Variants in PDGFC observed in about 807,000 individuals in gnomAD.
PDGFC encodes the protein platelet derived growth factor C.
A neutral mutation model predicts 35.5 loss-of-function variants in PDGFC; 12 were observed. That is an observed-to-expected ratio of 0.34 (90% CI 0.22 to 0.55). PDGFC has a LOEUF of 0.55. Ranked by LOEUF, PDGFC falls within the 20% of genes least tolerant of loss-of-function variation. The probability of loss-of-function intolerance (pLI) is 0.91; values close to 1 mark genes in which losing one functional copy is unlikely to be tolerated. For missense variants in PDGFC, 322 were observed against 412.4 expected (o/e 0.78, Z 1.90); for synonymous variants, 159 against 148.8 (o/e 1.07, Z -0.50).
intron 3 of PDGFC, among the ~76,000 whole-genome samples, chr4:156,774,962 T>C (rs573968257): frequency 7.9e-5 from 12 of 152,272 alleles, no homozygotes; most frequent in African/African-American, 2.9e-4. Context: ...ATTAAAGACT[T>C]AATTTCAATA....
intron 3 of PDGFC, among the ~76,000 whole-genome samples, chr4:156,803,798 T>A (rs1420566935): frequency 6.6e-6 from 1 of 152,196 alleles, no homozygotes; most frequent in Non-Finnish European, 1.5e-5. Context: ...ACTGGAAATG[T>A]CTTATTTTAC....
chr4:156,883,084 CAAAA>C (rs376927288), intron 1 of PDGFC, among the ~76,000 whole-genome samples: 3 of 83,232 alleles, frequency 3.6e-5, no homozygotes, highest in Admixed American at 1.3e-4. Context: ...ATTCTGTCTC[CAAAA>C]AAAAAAAAAA....
Position 156,871,637 on chromosome 4 carries a change from C to T in PDGFC, c.119-21221G>A, listed in dbSNP as rs571272447. Among the ~76,000 whole-genome samples the T allele has an allele frequency of 4.5e-3, 685 of 151,968 alleles. 2 individuals are homozygous for T. Among genetic ancestry groups the T allele is most frequent in the African/African-American group, 0.015 (629 of 41,442 alleles). ...TATTTTATTTCAAATGCAAATTAGT[C>T]GAGACACACCTGGGAATATAATTTA... On this transcript the variant is annotated intron_variant, in intron 1 of 5. Transcript: ENST00000502773.
intron 1 of PDGFC, among the ~76,000 whole-genome samples, chr4:156,881,896 T>C (rs965615441): frequency 3.3e-5 from 5 of 151,576 alleles, no homozygotes; most frequent in South Asian, 2.1e-4. Flanking sequence ...CTGCCATCCA[T>C]GTAAGACATG....
At chr4:156,774,981 G>A (rs933151447) in intron 3 of PDGFC, among the ~76,000 whole-genome samples, 6 of 152,124 alleles carry the variant, frequency 3.9e-5, no homozygotes, top group African/African-American at 1.4e-4. Context: ...TAATGTCAAG[G>A]ATCTGGCTAA....
At chr4:156,889,501 C>T (rs1214334283) in intron 1 of PDGFC, among the ~76,000 whole-genome samples, 1 of 152,148 alleles carries the variant, frequency 6.6e-6, no homozygotes, top group African/African-American at 2.4e-5. Flanking sequence ...CAATTTGGGT[C>T]ACCTTCAAGG....
At chr4:156,839,052 T>C (rs1413596753) in intron 2 of PDGFC, among the ~76,000 whole-genome samples, 2 of 152,152 alleles carry the variant, frequency 1.3e-5, no homozygotes, top group African/African-American at 4.8e-5. Context: ...AAGGAAGCGG[T>C]GTATTAAGCG....
At chr4:156,788,570 C>T (rs1173905326) in intron 3 of PDGFC, among the ~76,000 whole-genome samples, 3 of 152,152 alleles carry the variant, frequency 2.0e-5, no homozygotes, top group African/African-American at 4.8e-5. Context: ...AAATTCAAAT[C>T]CGAATTTTAA....
chr4:156,841,148 G>C (rs368947779), intron 2 of PDGFC, among the ~76,000 whole-genome samples: 23 of 152,018 alleles, frequency 1.5e-4, no homozygotes, highest in South Asian at 4.2e-4. Context: ...ATTTGGGAGG[G>C]GGGCTGGGGA....
intron 1 of PDGFC, among the ~76,000 whole-genome samples, chr4:156,871,984 A>G (rs142349980): frequency 6.6e-6 from 1 of 152,180 alleles, no homozygotes; most frequent in East Asian, 1.9e-4. Context: ...TTGATTCCCA[A>G]TAAAGCAATG....
intron 2 of PDGFC, among the ~76,000 whole-genome samples, chr4:156,812,466 AAGC>A (rs1386445691): frequency 5.3e-5 from 8 of 152,110 alleles, no homozygotes; most frequent in African/African-American, 1.9e-4. Context: ...TCAGAATACT[AAGC>A]AGGGCATTGC....
intron 1 of PDGFC, among the ~76,000 whole-genome samples, chr4:156,915,926 GGTTCCTGGGA>G (rs1473707374): frequency 6.6e-6 from 1 of 151,958 alleles, no homozygotes; most frequent in Non-Finnish European, 1.5e-5. Flanking sequence ...AAATTCTGTG[GGTTCCTGGGA>G]TTAGCAGGAT....
intron 1 of PDGFC, among the ~76,000 whole-genome samples, chr4:156,926,468 T>C (rs2110860879): frequency 6.6e-6 from 1 of 152,240 alleles, no homozygotes; most frequent in South Asian, 2.1e-4. Flanking sequence ...CAGACTTATG[T>C]GAGGACAGGC....
chr4:156,958,373 A>G lies in PDGFC; in HGVS notation c.118+12413T>C, dbSNP rs562691700. On this transcript the variant is annotated intron_variant, in intron 1 of 5. Coordinates refer to ENST00000502773, the MANE Select transcript of PDGFC (RefSeq NM_016205.3). ...TCACACATTACACAGAAACTATAATATCCACCATTGTCTGTTGTTTTTTAA... is the reference window on the plus strand; with the variant it reads ...TCACACATTACACAGAAACTATAATGTCCACCATTGTCTGTTGTTTTTTAA... Among the ~76,000 whole-genome samples the G allele has an allele frequency of 8.9e-4, 136 of 152,046 alleles. 1 individual carries two copies. The highest frequency in any genetic ancestry group is 3.2e-3 in the African/African-American group (133 of 41,528).
intron 2 of PDGFC, among the ~76,000 whole-genome samples, chr4:156,822,163 T>G (rs537337655): frequency 6.6e-6 from 1 of 151,714 alleles, no homozygotes; most frequent in Non-Finnish European, 1.5e-5. Context: ...ATCGAGACCA[T>G]CCTGGCTAAC....
At chr4:156,874,732 T>G (rs1051503346) in intron 1 of PDGFC, among the ~76,000 whole-genome samples, 5 of 152,176 alleles carry the variant, frequency 3.3e-5, no homozygotes, top group African/African-American at 4.8e-5. Flanking sequence ...TTTTTTTTTT[T>G]TAAATACAGG....
intron 5 of PDGFC, among the ~76,000 whole-genome samples, chr4:156,763,987 TATTA>T (rs944063805): frequency 6.6e-6 from 1 of 152,220 alleles, no homozygotes; most frequent in Non-Finnish European, 1.5e-5. Context: ...TTCTATAAAA[TATTA>T]ATTAAAGTAT....
chr4:156,921,434 C>A (rs1004460567), intron 1 of PDGFC, among the ~76,000 whole-genome samples: 1 of 151,356 alleles, frequency 6.6e-6, no homozygotes, highest in Non-Finnish European at 1.5e-5. Flanking sequence ...TAAGAGAATG[C>A]GATTCCAGAC....
intron 1 of PDGFC, among the ~76,000 whole-genome samples, chr4:156,872,171 C>T (rs2111146168): frequency 6.6e-6 from 1 of 152,230 alleles, no homozygotes; most frequent in East Asian, 1.9e-4. Flanking sequence ...CAGCTGTTGT[C>T]ATTTAGTGTG....
Sources: allele counts gnomAD v4.1 joint callset (sites outside exome capture counted in the v4.1 genomes callset), GRCh38; gene constraint gnomAD v4.1.1; transcripts MANE v1.5; gene names NCBI Gene and HGNC (gene_info 2026-07-23, HGNC 2026-07-21).